Variants in TTLL6 observed in about 807,000 individuals in gnomAD.
TTLL6 encodes tubulin tyrosine ligase like 6.
Under a neutral mutation model 96.4 loss-of-function variants are expected in TTLL6, and 75 were observed. The ratio of observed to expected loss-of-function variants is 0.78; its 90% CI spans 0.65 to 0.94. The LOEUF is 0.94. Ranked by LOEUF, TTLL6 falls within the 40% of genes least tolerant of loss-of-function variation. The probability of loss-of-function intolerance (pLI) is 0.00; values close to 1 mark genes in which losing one functional copy is unlikely to be tolerated. For synonymous variants in TTLL6, 411 were observed against 419.4 expected (o/e 0.98, Z 0.24); for missense variants, 1,030 against 1,093.0 (o/e 0.94, Z 0.81).
intron 14 of TTLL6, 48 bp downstream of exon 14, chr17:48,769,680 C>G: frequency 6.3e-7 from 1 of 1,586,078 alleles, no homozygotes; most frequent in South Asian, 1.1e-5. Flanking sequence ...CTATCGGTCC[C>G]TCTCCCCTTT....
intron 13 of TTLL6, among the ~76,000 whole-genome samples, chr17:48,770,817 T>A (rs1313514871): frequency 3.2e-4 from 48 of 151,652 alleles, no homozygotes; most frequent in Non-Finnish European, 5.0e-4. Flanking sequence ...TCCTGCCTCC[T>A]GGAGGCAGGA....
chr17:48,804,566 T>C (rs2039476967), intron 2 of TTLL6: 4 of 678,776 alleles, frequency 5.9e-6, no homozygotes, highest in Non-Finnish European at 1.1e-5. Flanking sequence ...GCATGGTTTT[T>C]TAGATTACAC....
At chr17:48,786,444 A>G (rs1046304591) in intron 11 of TTLL6, 109 bp from the exon 12 acceptor site, 16 of 1,269,822 alleles carry the variant, frequency 1.3e-5, no homozygotes, top group Non-Finnish European at 1.7e-5. Flanking sequence ...CAAGTTCCAC[A>G]TTCCCTCCTC....
intron 15 of TTLL6, among the ~76,000 whole-genome samples, chr17:48,766,839 C>T (rs1368477644): frequency 6.6e-6 from 1 of 152,108 alleles, no homozygotes; most frequent in Non-Finnish European, 1.5e-5. Context: ...AATAACAGGC[C>T]CACAGGTCAG....
intron 8 of TTLL6, chr17:48,794,205 T>A: frequency 6.2e-7 from 1 of 1,613,992 alleles, no homozygotes; most frequent in Non-Finnish European, 8.5e-7. Context: ...CAACCTCACC[T>A]TAGTTCTGCT....
At chr17:48,768,320 G>A (rs142944359) in intron 15 of TTLL6, among the ~76,000 whole-genome samples, 2 of 151,916 alleles carry the variant, frequency 1.3e-5, no homozygotes, top group African/African-American at 4.8e-5. Context: ...ACCCAGGCTG[G>A]AGTGCAGTGG....
Position 48,784,953 on chromosome 17 carries a change from G to A in TTLL6, c.2010C>T (p.Ala670=). 1.2e-6 allele frequency: 2 copies of A among 1,614,176 alleles called. No homozygotes were observed. The highest frequency in any genetic ancestry group is 1.7e-6 in the Non-Finnish European group (2 of 1,180,036). The change falls in exon 13 of 16, where the codon GCC becomes GCT. Residue 670 remains alanine (A), a synonymous_variant. Transcript: ENST00000393382. ...PNFSIKEAKS[A]SAVNVFTGTV... is the part of the protein sequence containing the mutation. ...TGCCAGTGAATACGTTCACTGCAGA[G>A]GCAGACTTGGCCTCCTTGATGCTGA...
At chr17:48,803,352 C>G (rs543593296) in intron 3 of TTLL6, among the ~76,000 whole-genome samples, 1 of 151,308 alleles carries the variant, frequency 6.6e-6, no homozygotes, top group African/African-American at 2.4e-5. Flanking sequence ...AAAATTTAGC[C>G]GGGCATGGTG....
In TTLL6 at chr17:48,791,595, G is replaced by T; in HGVS notation, c.1007C>A (p.Ser336Tyr). The T allele has an allele frequency of 6.2e-7, 1 of 1,609,262 alleles. No individual in the cohort carries two copies. Among genetic ancestry groups the T allele is most frequent in the East Asian group, 2.2e-5 (1 of 44,708 alleles). ...GTCCTCCAAGTATGCACTGAAGGTGGAGAGCTTCCTGGAAGGGAACCACAG... is the reference window on the plus strand; with the variant it reads ...GTCCTCCAAGTATGCACTGAAGGTGTAGAGCTTCCTGGAAGGGAACCACAG... ...DAHSGSKRKL[S>Y]TFSAYLEDHS... Residue 336 changes from serine (S) to tyrosine (Y), a missense_variant, in exon 9 of 16, where the codon TCC becomes TAC. Coordinates refer to ENST00000393382, the MANE Select transcript of TTLL6 (RefSeq NM_001130918.3).
chr17:48,797,708 G>A (rs1395013193), intron 6 of TTLL6, among the ~76,000 whole-genome samples: 1 of 149,178 alleles, frequency 6.7e-6, no homozygotes, highest in East Asian at 2.0e-4. Flanking sequence ...AATCACTTGA[G>A]CCCCGGGGGG....
At position 48,785,118 on chromosome 17, in the gene TTLL6, G is replaced by A. The variant is rs1176489552; in HGVS notation, c.1845C>T (p.Ser615=). The part of the protein sequence containing the change: ...VRGERKNETD[S]SLNQEAPTEE... Reference sequence around the variant, plus strand: ...CCGTGGGAGCCTCCTGGTTGAGGCTGCTGTCTGTTTCATTTTTCCTTTCAC... The same window carrying A: ...CCGTGGGAGCCTCCTGGTTGAGGCTACTGTCTGTTTCATTTTTCCTTTCAC... The change falls in exon 13 of 16, where the codon AGC becomes AGT. Residue 615 remains serine, a synonymous_variant. Transcript: ENST00000393382. The A allele has an allele frequency of 6.2e-7, 1 of 1,614,166 alleles. No individual in the cohort carries two copies. The highest frequency in any genetic ancestry group is 1.1e-5 in the South Asian group (1 of 91,086).
At chr17:48,772,417 A>T (rs534450432) in intron 13 of TTLL6, among the ~76,000 whole-genome samples, 1 of 152,336 alleles carries the variant, frequency 6.6e-6, no homozygotes, top group Non-Finnish European at 1.5e-5. Context: ...TTTAGCAGGC[A>T]TTATAAATAT....
At chr17:48,800,474 C>A (rs1463357853) in intron 5 of TTLL6, among the ~76,000 whole-genome samples, 1 of 152,176 alleles carries the variant, frequency 6.6e-6, no homozygotes, top group Non-Finnish European at 1.5e-5. Flanking sequence ...ACCATGAAAT[C>A]TGGAGCTCCT....
chr17:48,815,205 T>C (rs1304575497), intron 1 of TTLL6: 1 of 152,202 alleles, frequency 6.6e-6, no homozygotes, highest in Admixed American at 6.5e-5. Flanking sequence ...AGTTTTTTCA[T>C]CTCTGACCTT....
In TTLL6 at chr17:48,786,168, TTGGAGGCTTGGG is replaced by T; in HGVS notation, c.1745_1756del (p.Thr582_Ser585del). ...TTCCCCTCAATCCAGGTTTACCTGTTTGGAGGCTTGGGTGGCGGCCTTGTCTTTCTGCTGTTG... is the reference window on the plus strand; with the variant it reads ...TTCCCCTCAATCCAGGTTTACCTGTTTGGCGGCCTTGTCTTTCTGCTGTTG... On this transcript the variant is annotated inframe_deletion, in exon 12 of 16. Coordinates refer to ENST00000393382, the MANE Select transcript of TTLL6 (RefSeq NM_001130918.3). 1 of 1,614,198 alleles carries T rather than the reference TTGGAGGCTTGGG, an allele frequency of 6.2e-7. No homozygotes were observed. Among genetic ancestry groups the T allele is most frequent in the Non-Finnish European group, 8.5e-7 (1 of 1,180,036 alleles).
At position 48,769,204 on chromosome 17, in the gene TTLL6, C is replaced by T. The variant is rs757784001; in HGVS notation, c.2461G>A (p.Glu821Lys). The change falls in exon 15 of 16, where the codon GAG (glutamate) becomes AAG (lysine). Residue 821 changes from glutamate (E) to lysine (K), a missense_variant. Glu to Lys is a moderately conservative substitution (Grantham distance 56, BLOSUM62 1). Coordinates refer to ENST00000393382, the MANE Select transcript of TTLL6 (RefSeq NM_001130918.3). ...ECHSRSDSSGEKRQLDVSSLL... is the reference protein window; with the variant it reads ...ECHSRSDSSGKKRQLDVSSLL... The stretch of plus-strand genomic sequence containing the variant: ...GAGGACACATCCAGCTGCCTCTTCT[C>T]GCCAGAGCTGTCACTGCGGGAGTGG... 5.6e-6 allele frequency: 9 copies of T among 1,613,126 alleles called. No homozygotes were observed. The African/African-American group carries it at 6.7e-5, about 12-fold the overall frequency.
intron 1 of TTLL6, among the ~76,000 whole-genome samples, chr17:48,816,304 A>G (rs1290679628): frequency 2.0e-5 from 3 of 151,794 alleles, no homozygotes; most frequent in Non-Finnish European, 4.4e-5. Context: ...AAACAAACAA[A>G]AAAGAAAATA....
At chr17:48,772,148 A>G (rs1411471478) in intron 13 of TTLL6, among the ~76,000 whole-genome samples, 1 of 151,862 alleles carries the variant, frequency 6.6e-6, no homozygotes, top group African/African-American at 2.4e-5. Flanking sequence ...AAAGAAAGAA[A>G]CCAGAAAAAT....
Position 48,785,168 on chromosome 17 carries a change from G to T in TTLL6, c.1795C>A (p.Pro599Thr). 6.2e-7 allele frequency: 1 copy of T among 1,614,156 alleles called. No homozygotes were observed. Among genetic ancestry groups the T allele is most frequent in the Non-Finnish European group, 8.5e-7 (1 of 1,180,038 alleles). Residue 599 changes from proline to threonine, a missense_variant, in exon 13 of 16, where the codon CCT becomes ACT. Physicochemically the swap from Pro to Thr is conservative, Grantham distance 38 (BLOSUM62 -1). Transcript: ENST00000393382. The stretch of plus-strand genomic sequence containing the variant: ...CCTCTGACACTCAAGAGCAAGTCAG[G>T]TGTGTAGGATACTAATGTCAATGGC... ...IQPLTLVSYT[P>T]DLLLSVRGER...
Sources: gnomAD v4.1 joint callset for allele counts (sites outside exome capture counted in the v4.1 genomes callset) on GRCh38, gnomAD v4.1.1 for gene constraint, MANE v1.5 for transcripts, NCBI Gene and HGNC (gene_info 2026-07-23, HGNC 2026-07-21) for gene names.